MEGF10: variants seen among roughly 807,000 people sequenced by gnomAD.
MEGF10 encodes the protein multiple epidermal growth factor-like domains protein 10.
In MEGF10, 86 loss-of-function variants were observed where a neutral mutation model predicts 147.5. That is an observed-to-expected ratio of 0.58 (90% CI 0.49 to 0.70). The LOEUF is 0.70. MEGF10 is among the 30% of genes least tolerant of loss of function. The pLI, the probability that MEGF10 is intolerant of heterozygous loss-of-function variation, is 0.00. For synonymous variants in MEGF10, 478 were observed against 525.5 expected, an observed-to-expected ratio of 0.91 and a Z score of 1.24; for missense variants, 1,329 against 1,487.3, an observed-to-expected ratio of 0.89 and a Z score of 1.75.
the MEGF10 span, among the ~76,000 whole-genome samples, chr5:127,282,705 T>A: frequency 6.6e-6 from 1 of 152,238 alleles, no homozygotes; most frequent in South Asian, 2.1e-4. Flanking sequence ...CTTTTCTTTT[T>A]GGGACAACAT....
Position 127,457,367 on chromosome 5 carries a change from T to C in MEGF10, c.*49T>C. 6.4e-7 allele frequency: 1 copy of C among 1,566,586 alleles called. No homozygotes were observed. Among genetic ancestry groups the C allele is most frequent in the Non-Finnish European group, 8.6e-7 (1 of 1,159,522 alleles). On this transcript the variant is annotated 3_prime_UTR_variant, in exon 25 of 25. Coordinates refer to ENST00000503335, the MANE Select transcript of MEGF10 (RefSeq NM_001256545.2). ...ACTGGAACCCTTTCCAGAACTGCTG[T>C]TTGGTTCTTCTCCATCCTCAATTTT...
chr5:127,352,663 T>C (rs1762125158), intron 4 of MEGF10, among the ~76,000 whole-genome samples: 2 of 151,624 alleles, frequency 1.3e-5, no homozygotes, highest in Non-Finnish European at 1.5e-5. Context: ...TGAGACTGTC[T>C]CAAAAAGAAA....
chr5:127,298,894 A>G (rs1759638607), intron 1 of MEGF10, among the ~76,000 whole-genome samples: 1 of 152,214 alleles, frequency 6.6e-6, no homozygotes, highest in Non-Finnish European at 1.5e-5. Flanking sequence ...GGAAACAGAC[A>G]CACTTAAATC....
the MEGF10 span, among the ~76,000 whole-genome samples, chr5:127,256,642 G>T: frequency 1.3e-5 from 2 of 152,070 alleles, no homozygotes; most frequent in Non-Finnish European, 2.9e-5. Flanking sequence ...GTTGCTAAGG[G>T]CTCCCTTGCT....
chr5:127,316,070 T>A (rs1760537064), intron 1 of MEGF10, among the ~76,000 whole-genome samples: 1 of 152,356 alleles, frequency 6.6e-6, no homozygotes, highest in South Asian at 2.1e-4. Context: ...TTTTTATCAA[T>A]GGAGATGCAA....
intron 1 of MEGF10, among the ~76,000 whole-genome samples, chr5:127,301,938 A>T (rs924111253): frequency 6.6e-6 from 1 of 152,248 alleles, no homozygotes; most frequent in African/African-American, 2.4e-5. Context: ...GTAGTCTCTG[A>T]TAGAAGGCAT....
chr5:127,255,960 G>C, the MEGF10 span, among the ~76,000 whole-genome samples: 1 of 152,106 alleles, frequency 6.6e-6, no homozygotes, highest in Admixed American at 6.6e-5. Context: ...AACTGACCTA[G>C]GGAGGAAATG....
intron 7 of MEGF10, among the ~76,000 whole-genome samples, chr5:127,400,111 G>T (rs754543302): frequency 7.2e-5 from 11 of 152,210 alleles, no homozygotes; most frequent in Non-Finnish European, 1.0e-4. Flanking sequence ...TTCCATGAGG[G>T]TCTTGGGAAG....
chr5:127,246,935 TG>T, the MEGF10 span, among the ~76,000 whole-genome samples: 2,888 of 109,566 alleles, frequency 0.026, no homozygotes, highest in East Asian at 0.036. Context: ...CAATAATATA[TG>T]ATTATATTAT....
rs140427379 is a variant in MEGF10 at position 127,453,126 on chromosome 5, G to A, written c.2981-1440G>A. On this transcript the variant is annotated intron_variant, in intron 22 of 24. Transcript: ENST00000503335. ...ATGCATGCACAGTGGCAAGGATATC[G>A]TTTCCTTAACATTCTCAAATACTTA... Among the ~76,000 whole-genome samples the A allele has an allele frequency of 2.4e-4, 37 of 152,296 alleles. No individual in the cohort carries two copies. In the East Asian group the frequency reaches 4.2e-3, roughly 17 times the overall value.
intron 4 of MEGF10, among the ~76,000 whole-genome samples, chr5:127,352,894 T>G (rs1430723299): frequency 1.3e-5 from 2 of 152,110 alleles, no homozygotes; most frequent in Non-Finnish European, 2.9e-5. Flanking sequence ...CCCAGAGAGG[T>G]CAGTTCCCAT....
At chr5:127,403,023 A>C (rs1764189559) in intron 8 of MEGF10, among the ~76,000 whole-genome samples, 1 of 152,210 alleles carries the variant, frequency 6.6e-6, no homozygotes, top group Non-Finnish European at 1.5e-5. Flanking sequence ...ATTTATTTTT[A>C]AATGGGATGT....
At position 127,369,870 on chromosome 5, in the gene MEGF10, G is replaced by T. The variant is rs1213389385; in HGVS notation, c.320-40G>T. On this transcript the variant is annotated intron_variant, in intron 4 of 24. Coordinates refer to ENST00000503335, the MANE Select transcript of MEGF10 (RefSeq NM_001256545.2). ...GCTGTGTTGTTGGCTTTTTTTTCTT[G>T]TGCCAACTTTCTTTATTTGATTGAT... The T allele has an allele frequency of 2.6e-6, 4 of 1,535,144 alleles. No homozygotes were observed. In the Admixed American group the frequency reaches 5.5e-5, roughly 21 times the overall value.
rs370217452 is a variant in MEGF10, at chr5:127,445,442, C to T, written c.2492-15C>T. ...CACATTGTCATCCTTTCTCAAGTCT[C>T]TCTTCTTTTTCTAGCTGGTGTTATC... On this transcript the variant is annotated splice_polypyrimidine_tract_variant and intron_variant, in intron 19 of 24. Transcript: ENST00000503335. The T allele has an allele frequency of 2.6e-5, 42 of 1,596,196 alleles. No homozygotes were observed. The highest frequency in any genetic ancestry group is 3.5e-5 in the Non-Finnish European group (41 of 1,164,092).
chr5:127,438,594 C>G (rs1302896649), intron 17 of MEGF10, 27 bp downstream of exon 17: 1 of 1,610,930 alleles, frequency 6.2e-7, no homozygotes. Context: ...CTGAGGCTCA[C>G]CAAGGGGAGC....
chr5:127,284,082 T>C, the MEGF10 span, among the ~76,000 whole-genome samples: 90 of 152,330 alleles, frequency 5.9e-4, no homozygotes, highest in Non-Finnish European at 1.1e-3. Flanking sequence ...CCTCATCCAT[T>C]GTTCTGCTCT....
chr5:127,256,189 T>C, the MEGF10 span, among the ~76,000 whole-genome samples: 2 of 152,158 alleles, frequency 1.3e-5, no homozygotes, highest in African/African-American at 2.4e-5. Context: ...TAAATACATA[T>C]TTACAAGCTG....
At chr5:127,333,226 G>C (rs528506136) in intron 2 of MEGF10, among the ~76,000 whole-genome samples, 38 of 152,064 alleles carry the variant, frequency 2.5e-4, no homozygotes, top group Non-Finnish European at 2.9e-4. Context: ...GACTATAAGA[G>C]AAAAAAAGGT....
At chr5:127,272,866 A>C in the MEGF10 span, among the ~76,000 whole-genome samples, 3 of 152,204 alleles carry the variant, frequency 2.0e-5, no homozygotes, top group Non-Finnish European at 2.9e-5. Flanking sequence ...GGAGCATGTC[A>C]TCTGCAAACG....
Sources: gnomAD v4.1 joint callset for allele counts (sites outside exome capture counted in the v4.1 genomes callset) on GRCh38, gnomAD v4.1.1 for gene constraint, MANE v1.5 for transcripts, NCBI Gene and HGNC (gene_info 2026-07-23, HGNC 2026-07-21) for gene names.